Variants in SPTAN1 observed in about 807,000 individuals in gnomAD.
SPTAN1 encodes the protein spectrin alpha, non-erythrocytic 1, also known as spectrin alpha chain, non-erythrocytic 1.
Under a neutral mutation model 331.3 loss-of-function variants are expected in SPTAN1, and 61 were observed. The ratio of observed to expected loss-of-function variants is 0.18; its 90% CI spans 0.15 to 0.23. The LOEUF (loss-of-function observed/expected upper bound fraction) is 0.23, where lower values mean the gene tolerates loss of function less well. Ranked by LOEUF, SPTAN1 falls within the 10% of genes least tolerant of loss-of-function variation. SPTAN1 has a pLI of 1.00. For missense variants in SPTAN1, 2,043 were observed against 3,147.9 expected (o/e 0.65, Z 8.40); for synonymous variants, 1,153 against 1,173.9 (o/e 0.98, Z 0.36).
chr9:128,592,277 C>CTT (rs66475636), intron 22 of SPTAN1, among the ~76,000 whole-genome samples: 1 of 138,936 alleles, frequency 7.2e-6, no homozygotes, highest in African/African-American at 2.6e-5. Context: ...GGTTTGTGTT[C>CTT]TTTTTTTTTT....
At position 128,615,742 on chromosome 9, in the gene SPTAN1, G is replaced by A; in HGVS notation, c.5259G>A (p.Lys1753=). The A allele has an allele frequency of 1.2e-6, 2 of 1,614,240 alleles. No individual in the cohort carries two copies. Among genetic ancestry groups the A allele is most frequent in the Non-Finnish European group, 1.7e-6 (2 of 1,180,048 alleles). Residue 1753 remains lysine, a synonymous_variant, in exon 41 of 57, where the codon AAG becomes AAA. Transcript: ENST00000372739. ...KRDTINGRFQ[K]IKSMAASRRA... ...ACACCATCAACGGGCGCTTCCAGAAGATCAAGAGCATGGCGGCCTCCCGGC... is the reference window on the plus strand; with the variant it reads ...ACACCATCAACGGGCGCTTCCAGAAAATCAAGAGCATGGCGGCCTCCCGGC...
intron 52 of SPTAN1, 56 bp from the exon 53 acceptor site, chr9:128,632,071 G>C: frequency 1.9e-6 from 3 of 1,585,398 alleles, no homozygotes; most frequent in Non-Finnish European, 2.6e-6. Flanking sequence ...TGGCTCCTGG[G>C]CTGGTGACTG....
intron 24 of SPTAN1, among the ~76,000 whole-genome samples, chr9:128,597,996 T>G (rs1854540426): frequency 6.6e-6 from 1 of 151,102 alleles, no homozygotes. Context: ...TTGCACAGGC[T>G]GGAGTGCAAT....
At position 128,583,299 on chromosome 9, in the gene SPTAN1, G is replaced by C; in HGVS notation, c.2011+18G>C. ...ACTGAAAGGTAAGAGATGTTCCATTGAATTGTGACATGCATGTTTGGGGAA... is the reference window on the plus strand; with the variant it reads ...ACTGAAAGGTAAGAGATGTTCCATTCAATTGTGACATGCATGTTTGGGGAA... On this transcript the variant is annotated intron_variant, in intron 15 of 56. Coordinates refer to ENST00000372739, the MANE Select transcript of SPTAN1 (RefSeq NM_001130438.3). 6.2e-7 allele frequency: 1 copy of C among 1,611,874 alleles called. No individual in the cohort carries two copies. The highest frequency in any genetic ancestry group is 8.5e-7 in the Non-Finnish European group (1 of 1,178,848).
intron 4 of SPTAN1, among the ~76,000 whole-genome samples, 168 bp from the exon 5 acceptor site, chr9:128,575,031 C>CT (rs2130972404): frequency 6.6e-6 from 1 of 152,324 alleles, no homozygotes; most frequent in Admixed American, 6.5e-5. Flanking sequence ...GCCGTGAACT[C>CT]AACCTCTTAA....
intron 1 of SPTAN1, among the ~76,000 whole-genome samples, chr9:128,553,669 A>C (rs1274882063): frequency 6.6e-6 from 1 of 152,246 alleles, no homozygotes; most frequent in Admixed American, 6.5e-5. Context: ...AATAGCTCAG[A>C]AAGCTGGGTT....
At position 128,625,624 on chromosome 9, in the gene SPTAN1, G is replaced by A. The variant is rs1233486705; in HGVS notation, c.6070-145G>A. ...CGGTCTGAAGGAGAGCAGGAAAGGGGGCATGTGTGACTGAGTCTCAGCAGT... is the reference window on the plus strand; with the variant it reads ...CGGTCTGAAGGAGAGCAGGAAAGGGAGCATGTGTGACTGAGTCTCAGCAGT... On this transcript the variant is annotated intron_variant, in intron 47 of 56. Transcript: ENST00000372739. The surrounding 1 kb of genome is among the most constrained non-coding windows in gnomAD (Gnocchi z 4.1). The A allele has an allele frequency of 1.3e-6, 1 of 784,108 alleles. No individual in the cohort carries two copies. The highest frequency in any genetic ancestry group is 2.2e-6 in the Non-Finnish European group (1 of 452,678). The allele number at this position is 784,108 out of a possible 1,614,324, so 48.6% of individuals were successfully genotyped here. A position where few individuals can be genotyped will look rare whatever the true frequency, so the allele number is the denominator to read the frequency against.
intron 24 of SPTAN1, among the ~76,000 whole-genome samples, chr9:128,594,852 G>A (rs145880441): frequency 1.4e-3 from 166 of 119,260 alleles, no homozygotes; most frequent in Non-Finnish European, 1.7e-3. Context: ...TTTTGAGACA[G>A]AGTCTCTCTT....
intron 20 of SPTAN1, 145 bp from the exon 21 acceptor site, chr9:128,588,664 T>C: frequency 8.1e-7 from 1 of 1,230,760 alleles, no homozygotes; most frequent in Non-Finnish European, 1.2e-6. Context: ...TTGGATCAGA[T>C]TTTATTGGTA....
rs1023221228 is a variant in SPTAN1, at chr9:128,615,717, A to G, written c.5234A>G (p.Asp1745Gly). ...FDTSQVKDKR[D>G]TINGRFQKIK... ...ACCTCCCAAGTAAAGGACAAGAGGG[A>G]CACCATCAACGGGCGCTTCCAGAAG... The change falls in exon 41 of 57, where the codon GAC (aspartate) becomes GGC (glycine). Residue 1745 changes from aspartate (D) to glycine (G), a missense_variant. By Grantham distance (94) the Asp-to-Gly change is moderately conservative. Transcript: ENST00000372739. 6.2e-7 allele frequency: 1 copy of G among 1,614,210 alleles called. No homozygotes were observed. The highest frequency in any genetic ancestry group is 2.2e-5 in the East Asian group (1 of 44,864).
chr9:128,579,431 T>G (rs1851685505), intron 9 of SPTAN1, among the ~76,000 whole-genome samples: 1 of 152,208 alleles, frequency 6.6e-6, no homozygotes. Context: ...GAAAAGCCAT[T>G]TGGAAAGGAT....
intron 51 of SPTAN1, 97 bp downstream of exon 51, chr9:128,628,039 T>A: frequency 6.8e-7 from 1 of 1,478,884 alleles, no homozygotes; most frequent in Non-Finnish European, 9.5e-7. Flanking sequence ...GGGATGGGCC[T>A]TCCTGCCCAG....
At position 128,622,521 on chromosome 9, in the gene SPTAN1, A is replaced by G. The variant is rs148881922; in HGVS notation, c.5832+1265A>G. Among the ~76,000 whole-genome samples the G allele has an allele frequency of 2.7e-3, 409 of 150,534 alleles. 9 individuals are homozygous for G. The East Asian group carries it at 0.04, about 15-fold the overall frequency. ...TCCATGTTGGTCAGGCTGGTCTCGA[A>G]CTCCTGACCTCAGGTGATCCGCCCT... On this transcript the variant is annotated intron_variant, in intron 45 of 56. Coordinates refer to ENST00000372739, the MANE Select transcript of SPTAN1 (RefSeq NM_001130438.3).
At chr9:128,611,586 T>TA in intron 37 of SPTAN1, 128 bp from the exon 38 acceptor site, 1 of 1,079,158 alleles carries the variant, frequency 9.3e-7, no homozygotes, top group African/African-American at 1.6e-5. Flanking sequence ...TGCCTTCTGT[T>TA]AAAAACGTTG....
chr9:128,598,364 T>C (rs758950723), intron 24 of SPTAN1, 36 bp from the exon 25 acceptor site: 1 of 1,542,904 alleles, frequency 6.5e-7, no homozygotes, highest in African/African-American at 1.4e-5. Context: ...TGGCTTGCTA[T>C]TTTGGGTTTT....
At chr9:128,600,254 G>C (rs970076722) in intron 27 of SPTAN1, 139 bp downstream of exon 27, 2 of 922,740 alleles carry the variant, frequency 2.2e-6, no homozygotes. Flanking sequence ...GTTTCTTTCT[G>C]AATCTGTTAA....
At chr9:128,572,933 G>A (rs1314368444) in intron 3 of SPTAN1, among the ~76,000 whole-genome samples, 3 of 152,168 alleles carry the variant, frequency 2.0e-5, no homozygotes, top group South Asian at 4.1e-4. Context: ...GAAGTGAATT[G>A]TGTGAGCATG....
At position 128,629,561 on chromosome 9, in the gene SPTAN1, TGTGATTCGTCCCTGCAC is replaced by T. The variant is rs1812778296; in HGVS notation, c.6708-757_6708-741del. ...AACCCCACCAAGGCCACACGCACCG[TGTGATTCGTCCCTGCAC>T]GTAACCCTAACTCGTTTGTTGTCTT... On this transcript the variant is annotated intron_variant, in intron 51 of 56. Transcript: ENST00000372739. The surrounding 1 kb of genome is among the most constrained non-coding windows in gnomAD (Gnocchi z 4.9). The T allele has an allele frequency of 5.1e-6, 1 of 196,410 alleles. No homozygotes were observed. The highest frequency in any genetic ancestry group is 2.3e-5 in the African/African-American group (1 of 43,150). The allele number at this position is 196,410 out of a possible 1,614,324, so 12.2% of individuals were successfully genotyped here.
At position 128,577,053 on chromosome 9, in the gene SPTAN1, G is replaced by T; in HGVS notation, c.786-76G>T. Reference sequence around the variant, plus strand: ...CTGGTGAGCTGTCGAGGCTGACTAGGCCTTGGTCCCATGGGGTGTTCCTAG... The same window carrying T: ...CTGGTGAGCTGTCGAGGCTGACTAGTCCTTGGTCCCATGGGGTGTTCCTAG... On this transcript the variant is annotated intron_variant, in intron 6 of 56. Coordinates refer to ENST00000372739, the MANE Select transcript of SPTAN1 (RefSeq NM_001130438.3). The surrounding 1 kb of genome is among the most constrained non-coding windows in gnomAD (Gnocchi z 4.2). 1 of 1,613,912 alleles carries T rather than the reference G, an allele frequency of 6.2e-7. No homozygotes were observed. The highest frequency in any genetic ancestry group is 8.5e-7 in the Non-Finnish European group (1 of 1,179,984).
Sources: allele counts gnomAD v4.1 joint callset (sites outside exome capture counted in the v4.1 genomes callset), GRCh38; gene constraint gnomAD v4.1.1; non-coding constraint Gnocchi (gnomAD v3.1); transcripts MANE v1.5; gene names NCBI Gene and HGNC (gene_info 2026-07-23, HGNC 2026-07-21).